C21orf58: variants seen among roughly 807,000 people sequenced by gnomAD.
C21orf58 encodes the protein chromosome 21 open reading frame 58, also known as uncharacterized protein C21orf58.
In C21orf58, 34 loss-of-function variants were observed where a neutral mutation model predicts 35.8. The ratio of observed to expected loss-of-function variants is 0.95; its 90% CI spans 0.72 to 1.26. The LOEUF (loss-of-function observed/expected upper bound fraction) is 1.26, where lower values mean the gene tolerates loss of function less well. Among genes scored for constraint, C21orf58 ranks in the 50% most tolerant of loss-of-function variants. The pLI is 0.00. For synonymous variants in C21orf58, 191 were observed against 175.8 expected (o/e 1.09, Z -0.68); for missense variants, 440 against 414.3 (o/e 1.06, Z -0.54).
At chr21:46,311,410 T>G (rs2082678044) in intron 6 of C21orf58, 46 bp downstream of exon 6, 7 of 1,153,978 alleles carry the variant, frequency 6.1e-6, no homozygotes, top group Non-Finnish European at 8.6e-6. Flanking sequence ...TCCCTTTCAG[T>G]AGATAATTTC....
chr21:46,300,627 G>T, downstream of C21orf58: 3 of 1,218,832 alleles, frequency 2.5e-6, no homozygotes, highest in Non-Finnish European at 2.1e-6. Context: ...GCCCTTCGGT[G>T]TTCACACCTG....
At chr21:46,315,311 G>A in intron 4 of C21orf58, 163 bp downstream of exon 4, 1 of 608,204 alleles carries the variant, frequency 1.6e-6, no homozygotes, top group Non-Finnish European at 2.9e-6. Flanking sequence ...ATGGAAACCT[G>A]CACCCAGGCA....
rs1038996950 is a variant in C21orf58 at position 46,323,707 on chromosome 21, C to T, written c.-969G>A. The T allele has an allele frequency of 7.0e-5, 13 of 184,774 alleles. No individual in the cohort carries two copies. Among genetic ancestry groups the T allele is most frequent in the Non-Finnish European group, 1.4e-4 (12 of 87,378 alleles). The allele number at this position is 184,774 out of a possible 1,614,324, so 11.4% of individuals were successfully genotyped here. The stretch of plus-strand genomic sequence containing the variant: ...GGCCTCAACTTCCCGCGGCGGCCCA[C>T]AGCCAACGACTAATGCCTGAGCGGG... On this transcript the variant is annotated 5_prime_UTR_variant, in exon 1 of 8. The change creates a new upstream start codon in the 5' untranslated region. Transcript: ENST00000291691.
In C21orf58 at chr21:46,302,530, C is replaced by T. The variant is rs775425651; in HGVS notation, c.768G>A (p.Leu256=). 1 of 1,612,664 alleles carries T rather than the reference C, an allele frequency of 6.2e-7. No homozygotes were observed. The highest frequency in any genetic ancestry group is 1.1e-5 in the South Asian group (1 of 90,680). ...CCTTGAGCATCCAGTTCTGCAGGACCAACTGGTGCACCTGTGCGTTCTGCA... is the reference window on the plus strand; with the variant it reads ...CCTTGAGCATCCAGTTCTGCAGGACTAACTGGTGCACCTGTGCGTTCTGCA... ...LLLQNAQVHQ[L]VLQNWMLKAL... The change falls in exon 7 of 8, where the codon TTG becomes TTA. Residue 256 remains leucine (L), a synonymous_variant. Coordinates refer to ENST00000291691, the MANE Select transcript of C21orf58 (RefSeq NM_058180.5).
chr21:46,307,057 G>A (rs1286813180), intron 6 of C21orf58, among the ~76,000 whole-genome samples: 1 of 151,718 alleles, frequency 6.6e-6, no homozygotes, highest in Non-Finnish European at 1.5e-5. Flanking sequence ...CACCACACCT[G>A]GCTGATTTTT....
chr21:46,316,258 C>T (rs554806747), intron 3 of C21orf58, among the ~76,000 whole-genome samples: 1 of 152,030 alleles, frequency 6.6e-6, no homozygotes, highest in Non-Finnish European at 1.5e-5. Context: ...GAGTTTGAGA[C>T]GAGCCTGGCG....
chr21:46,318,612 A>C, intron 1 of C21orf58: 3 of 1,106,768 alleles, frequency 2.7e-6, no homozygotes, highest in Non-Finnish European at 3.3e-6. Flanking sequence ...CCCTCAGAGC[A>C]AGCAGGGAAG....
At chr21:46,321,732 C>G (rs1420435656) in intron 1 of C21orf58, among the ~76,000 whole-genome samples, 2 of 152,000 alleles carry the variant, frequency 1.3e-5, no homozygotes, top group African/African-American at 4.8e-5. Flanking sequence ...ACCTGCGTCA[C>G]TTGGCTGAGG....
At chr21:46,319,570 C>T (rs950495009) in intron 1 of C21orf58, among the ~76,000 whole-genome samples, 6 of 152,060 alleles carry the variant, frequency 3.9e-5, no homozygotes, top group Non-Finnish European at 7.4e-5. Context: ...GGAGACCAGC[C>T]GGCACAACAC....
chr21:46,314,915 A>G lies in C21orf58; in HGVS notation c.445-35T>C, dbSNP rs1443138967. 3 of 1,550,180 alleles carry G rather than the reference A, an allele frequency of 1.9e-6. No homozygotes were observed. The Admixed American group carries it at 5.9e-5, about 30-fold the overall frequency. ...CGATGCAGAGCTGCTGCACACGGGG[A>G]CGGGGAGCCCCAACGCCACAGAGGC... On this transcript the variant is annotated intron_variant, in intron 4 of 7. Coordinates refer to ENST00000291691, the MANE Select transcript of C21orf58 (RefSeq NM_058180.5).
At chr21:46,304,812 C>A (rs2145932624) in intron 6 of C21orf58, among the ~76,000 whole-genome samples, 1 of 152,294 alleles carries the variant, frequency 6.6e-6, no homozygotes, top group South Asian at 2.1e-4. Flanking sequence ...GGGACGGAAG[C>A]AACCCAAGTG....
At chr21:46,311,166 G>T (rs1185435936) in intron 6 of C21orf58, among the ~76,000 whole-genome samples, 1 of 151,962 alleles carries the variant, frequency 6.6e-6, no homozygotes, top group Non-Finnish European at 1.5e-5. Flanking sequence ...CACCGAGCCG[G>T]GCCCTAAAAA....
chr21:46,300,528 C>G (rs552030153), downstream of C21orf58: 36 of 535,374 alleles, frequency 6.7e-5, no homozygotes, highest in African/African-American at 7.3e-4. Context: ...GAGCTTTTAA[C>G]GAGAGCACAG....
At chr21:46,314,608 G>T in intron 5 of C21orf58, 108 bp downstream of exon 5, 1 of 888,196 alleles carries the variant, frequency 1.1e-6, no homozygotes, top group South Asian at 1.8e-5. Context: ...GAGGATGGGG[G>T]TGACGAGGCA....
chr21:46,300,594 GT>G, downstream of C21orf58: 1 of 1,144,014 alleles, frequency 8.7e-7, no homozygotes, highest in Non-Finnish European at 1.1e-6. Flanking sequence ...AGAAGTGAGT[GT>G]TACTGCCAGT....
chr21:46,305,039 A>C (rs949374456), intron 6 of C21orf58, among the ~76,000 whole-genome samples: 7 of 152,322 alleles, frequency 4.6e-5, no homozygotes, highest in African/African-American at 1.7e-4. Flanking sequence ...GGTGGTTGCC[A>C]GGCACTGGCA....
chr21:46,308,767 A>G (rs1462448703), intron 6 of C21orf58, among the ~76,000 whole-genome samples: 1 of 152,300 alleles, frequency 6.6e-6, no homozygotes, highest in Middle Eastern at 3.4e-3. Context: ...GCCTTTATGA[A>G]TGGATTAATG....
rs113270619 is a variant in C21orf58, at chr21:46,319,291, C to A, written c.101-1071G>T. ...CTGACGTAGAGTTCAACTCACCTTA[C>A]CCTGGAGGCCATCCAACCAGAAATG... On this transcript the variant is annotated intron_variant, in intron 1 of 7. Transcript: ENST00000291691. 4.3e-4 allele frequency among the ~76,000 whole-genome samples: 66 copies of A among 152,320 alleles called. 2 individuals are homozygous for A. Among genetic ancestry groups the A allele is most frequent in the African/African-American group, 1.2e-3 (48 of 41,578 alleles).
chr21:46,314,922 G>A, intron 4 of C21orf58, 42 bp from the exon 5 acceptor site: 2 of 1,550,352 alleles, frequency 1.3e-6, no homozygotes, highest in Non-Finnish European at 1.7e-6. Flanking sequence ...GGGACGGGGA[G>A]CCCCAACGCC....
Sources: allele counts gnomAD v4.1 joint callset (sites outside exome capture counted in the v4.1 genomes callset), GRCh38; gene constraint gnomAD v4.1.1; transcripts MANE v1.5; gene names NCBI Gene and HGNC (gene_info 2026-07-23, HGNC 2026-07-21).